Variants in ZBTB45 observed in about 807,000 individuals in gnomAD.
ZBTB45 encodes the protein zinc finger and BTB domain containing 45.
ZBTB45 carries 22 observed loss-of-function variants against 28.4 expected under a neutral mutation model. The ratio of observed to expected loss-of-function variants is 0.77; its 90% CI spans 0.55 to 1.10. The LOEUF (loss-of-function observed/expected upper bound fraction) is 1.10. Ranked by LOEUF, ZBTB45 falls within the 50% of genes least tolerant of loss-of-function variation. ZBTB45 has a pLI of 0.00. For synonymous variants in ZBTB45, 361 were observed against 332.3 expected, an observed-to-expected ratio of 1.09 and a Z score of -0.94; for missense variants, 656 against 750.2, an observed-to-expected ratio of 0.87 and a Z score of 1.47.
intron 1 of ZBTB45, among the ~76,000 whole-genome samples, chr19:58,537,231 A>G (rs973748243): frequency 1.3e-5 from 2 of 152,070 alleles, no homozygotes; most frequent in African/African-American, 2.4e-5. Flanking sequence ...CAGGTTCTCC[A>G]TGTGGACAAT....
chr19:58,521,614 T>G (rs2053579287), upstream of ZBTB45, among the ~76,000 whole-genome samples: 1 of 152,142 alleles, frequency 6.6e-6, no homozygotes, highest in Admixed American at 6.6e-5. Flanking sequence ...CTATGGAGTT[T>G]TGGTAATTTG....
intron 1 of ZBTB45, among the ~76,000 whole-genome samples, chr19:58,529,084 C>CAAA (rs1231496438): frequency 4.9e-5 from 3 of 61,444 alleles, no homozygotes; most frequent in African/African-American, 1.2e-4. Context: ...AACTCCATCT[C>CAAA]AAAAAAAAAA....
chr19:58,517,705 T>TCCTCCCATCTGTCC (rs1212974364), intron 1 of ZBTB45, 32 bp from the exon 2 acceptor site: 3 of 1,587,956 alleles, frequency 1.9e-6, no homozygotes, highest in Non-Finnish European at 2.6e-6. Flanking sequence ...CAGGGAGAGG[T>TCCTCCCATCTGTCC]CAACTGAGGA....
chr19:58,527,406 C>T (rs2053613589), intron 1 of ZBTB45, among the ~76,000 whole-genome samples: 1 of 152,224 alleles, frequency 6.6e-6, no homozygotes, highest in South Asian at 2.1e-4. Context: ...CATGAGATTG[C>T]TCAGCCCATT....
intron 1 of ZBTB45, among the ~76,000 whole-genome samples, chr19:58,524,816 G>A (rs1276849915): frequency 4.0e-5 from 6 of 151,752 alleles, no homozygotes; most frequent in Non-Finnish European, 8.8e-5. Context: ...CTGGGAGGTG[G>A]AGCTTGCAGT....
rs1382155653 is a variant in ZBTB45, at chr19:58,516,891, G to A, written c.783C>T (p.Gly261=). 2 of 1,613,392 alleles carry A rather than the reference G, an allele frequency of 1.2e-6. No individual in the cohort carries two copies. Among genetic ancestry groups the A allele is most frequent in the Non-Finnish European group, 8.5e-7 (1 of 1,180,014 alleles). The change falls in exon 2 of 3, where the codon GGC becomes GGT. Residue 261 remains glycine (G), a synonymous_variant. Transcript: ENST00000594051. The surrounding 1 kb of genome is among the most constrained non-coding windows in gnomAD (Gnocchi z 6.2). The part of the protein sequence containing the change: ...SACEEPPAPT[G]LADYSGAGRD... ...TCCCGGCACCACTGTAGTCAGCGAG[G>A]CCAGTGGGTGCAGGGGGCTCCTCGC...
chr19:58,517,023 C>G lies in ZBTB45; in HGVS notation c.651G>C (p.Glu217Asp). ...CACCTTCGCCATCCTCGCCATCGGT[C>G]TCATCGTCACTTTCCTCGTCATCCT... Reference protein sequence around the residue: ...GDEDDEESDDETDGEDGEGGG... With the variant: ...GDEDDEESDDDTDGEDGEGGG... The change falls in exon 2 of 3, where the codon GAG becomes GAC. Residue 217 changes from glutamate to aspartate, a missense_variant. Physicochemically the swap from Glu to Asp is conservative, Grantham distance 45. Around this residue, in one of 3 missense-constraint regions of ZBTB45, gnomAD observed 448 missense variants for 444.3 expected, o/e 1.01. Coordinates refer to ENST00000594051, the MANE Select transcript of ZBTB45 (RefSeq NM_001316979.2). 1 of 1,613,306 alleles carries G rather than the reference C, an allele frequency of 6.2e-7. No individual in the cohort carries two copies. Among genetic ancestry groups the G allele is most frequent in the Non-Finnish European group, 8.5e-7 (1 of 1,180,026 alleles).
At position 58,517,262 on chromosome 19, in the gene ZBTB45, T is replaced by A; in HGVS notation, c.412A>T (p.Thr138Ser). The change falls in exon 2 of 3, where the codon ACC becomes TCC. Residue 138 changes from threonine to serine, a missense_variant. Around this residue, in one of 3 missense-constraint regions of ZBTB45, gnomAD observed 448 missense variants for 444.3 expected, o/e 1.01. Transcript: ENST00000594051. ...GGTGCGAGTGGCGGGGGCACAGGGG[T>A]GGGCAGGGGCGTGGGCGCAGAGGTG... ...PGTSAPTPLPTPVPPPLAPAQ... is the reference protein window; with the variant it reads ...PGTSAPTPLPSPVPPPLAPAQ... 1 of 1,514,326 alleles carries A rather than the reference T, an allele frequency of 6.6e-7. No homozygotes were observed. Among genetic ancestry groups the A allele is most frequent in the South Asian group, 1.3e-5 (1 of 78,726 alleles). The allele number at this position is 1,514,326 out of a possible 1,614,324, so 93.8% of individuals were successfully genotyped here.
intron 1 of ZBTB45, among the ~76,000 whole-genome samples, chr19:58,530,586 G>A (rs1235053289): frequency 1.3e-5 from 2 of 152,128 alleles, no homozygotes; most frequent in African/African-American, 4.8e-5. Context: ...GACTACAGGC[G>A]TGAGCCACCG....
intron 1 of ZBTB45, among the ~76,000 whole-genome samples, chr19:58,526,341 C>T (rs2053606543): frequency 6.6e-6 from 1 of 151,876 alleles, no homozygotes; most frequent in Admixed American, 6.6e-5. Flanking sequence ...TCCTGAGTAG[C>T]TGGGATTACA....
At chr19:58,537,543 G>A (rs1369405482) in intron 1 of ZBTB45, among the ~76,000 whole-genome samples, 3 of 152,066 alleles carry the variant, frequency 2.0e-5, no homozygotes, top group Non-Finnish European at 4.4e-5. Flanking sequence ...GCTAGCTGTA[G>A]AGTAACCTCT....
intron 2 of ZBTB45, among the ~76,000 whole-genome samples, chr19:58,514,977 T>G (rs2122549188): frequency 6.6e-6 from 1 of 152,204 alleles, no homozygotes; most frequent in Admixed American, 6.5e-5. Flanking sequence ...TCATTCTGGG[T>G]TAGGGGAGGG....
chr19:58,523,255 C>CGTGGTGGCGTCT (rs201451538), upstream of ZBTB45, among the ~76,000 whole-genome samples: 1 of 151,978 alleles, frequency 6.6e-6, no homozygotes, highest in Non-Finnish European at 1.5e-5. Context: ...CAAGGCTGGG[C>CGTGGTGGCGTCT]GTGGTGGCGT....
Position 58,516,005 on chromosome 19 carries a change from C to T in ZBTB45, c.1279+390G>A, listed in dbSNP as rs1044696205. On this transcript the variant is annotated intron_variant, in intron 2 of 2. Coordinates refer to ENST00000594051, the MANE Select transcript of ZBTB45 (RefSeq NM_001316979.2). The surrounding 1 kb of genome is among the most constrained non-coding windows in gnomAD (Gnocchi z 6.2). ...ATCCTCCCTTGCTGCCAGCCTATAA[C>T]GGGACAGCTGGAAACCAGAGAGACA... Among the ~76,000 whole-genome samples, 10 of 152,262 alleles carry T rather than the reference C, an allele frequency of 6.6e-5. 1 individual carries two copies. Among genetic ancestry groups the T allele is most frequent in the Non-Finnish European group, 8.8e-5 (6 of 68,014 alleles).
At chr19:58,527,389 T>A (rs1420447591) in intron 1 of ZBTB45, among the ~76,000 whole-genome samples, 1 of 152,168 alleles carries the variant, frequency 6.6e-6, no homozygotes, top group African/African-American at 2.4e-5. Context: ...AACATCTCCA[T>A]CACCTCCATG....
In ZBTB45 at chr19:58,517,154, G is replaced by T; in HGVS notation, c.520C>A (p.Arg174Ser). Reference protein sequence around the residue: ...HPGAAHSRKQRQPARLQLPAP... With the variant: ...HPGAAHSRKQSQPARLQLPAP... ...GGCAGCTGCAAACGCGCGGGCTGGC[G>T]CTGCTTACGGCTGTGTGCAGCACCG... The change falls in exon 2 of 3, where the codon CGC becomes AGC. Residue 174 changes from arginine to serine, a missense_variant. By Grantham distance (110) the Arg-to-Ser change is moderately radical (BLOSUM62 -1). Around this residue, in one of 3 missense-constraint regions of ZBTB45, gnomAD observed 448 missense variants for 444.3 expected, o/e 1.01. Transcript: ENST00000594051. 1.2e-6 allele frequency: 2 copies of T among 1,611,402 alleles called. No individual in the cohort carries two copies. Among genetic ancestry groups the T allele is most frequent in the Non-Finnish European group, 8.5e-7 (1 of 1,179,160 alleles).
At chr19:58,534,211 G>T (rs2053648839) in intron 1 of ZBTB45, among the ~76,000 whole-genome samples, 1 of 152,024 alleles carries the variant, frequency 6.6e-6, no homozygotes, top group Non-Finnish European at 1.5e-5. Flanking sequence ...TCAGGGGCTG[G>T]TTGGAGGGGG....
At chr19:58,538,275 G>C (rs765109313) in intron 1 of ZBTB45, among the ~76,000 whole-genome samples, 4 of 152,028 alleles carry the variant, frequency 2.6e-5, no homozygotes, top group South Asian at 2.1e-4. Context: ...GAGAGCAGGG[G>C]AGCGATCATA....
chr19:58,537,942 A>T (rs2053669323), intron 1 of ZBTB45, among the ~76,000 whole-genome samples: 1 of 151,240 alleles, frequency 6.6e-6, no homozygotes, highest in African/African-American at 2.4e-5. Flanking sequence ...GGTTCAAGCG[A>T]TTCTCCTGTC....
Sources: gnomAD v4.1 joint callset for allele counts (sites outside exome capture counted in the v4.1 genomes callset) on GRCh38, gnomAD v4.1.1 for gene constraint, gnomAD v4.1.1 regional missense constraint, Gnocchi (gnomAD v3.1) non-coding constraint, MANE v1.5 for transcripts, NCBI Gene and HGNC (gene_info 2026-07-23, HGNC 2026-07-21) for gene names.